The following PCDHGB5 variants were observed in gnomAD, a reference collection of about 807,000 sequenced individuals.
The protein encoded by PCDHGB5 is protocadherin gamma-B5.
Under a neutral mutation model 62.9 loss-of-function variants are expected in PCDHGB5, and 48 were observed. The ratio of observed to expected loss-of-function variants is 0.76; its 90% CI spans 0.61 to 0.97. PCDHGB5 has a LOEUF of 0.97. Ranked by LOEUF, PCDHGB5 falls within the 50% of genes least tolerant of loss-of-function variation. PCDHGB5 has a pLI of 0.00. For missense variants in PCDHGB5, 1,118 were observed against 1,198.6 expected (o/e 0.93, Z 0.99); for synonymous variants, 474 against 511.2 (o/e 0.93, Z 0.98).
rs1018384314 is a variant in PCDHGB5 at position 141,490,427 on chromosome 5, A to G, written c.2398-4380A>G. On this transcript the variant is annotated intron_variant, in intron 1 of 3. Coordinates refer to ENST00000617380, the MANE Select transcript of PCDHGB5 (RefSeq NM_018925.3). This position sits in a 1 kb window ranked among gnomAD's most constrained non-coding sequence, Gnocchi z 5.4. ...GATATCTCTCCGGACCTGCCATTTCAGATTAAGCCTTCTGAGAACCACTAC... is the reference window on the plus strand; with the variant it reads ...GATATCTCTCCGGACCTGCCATTTCGGATTAAGCCTTCTGAGAACCACTAC... 6.2e-7 allele frequency: 1 copy of G among 1,614,092 alleles called. No individual in the cohort carries two copies.
rs773624580 is a variant in PCDHGB5 at position 141,489,715 on chromosome 5, G to A, written c.2398-5092G>A. On this transcript the variant is annotated intron_variant, in intron 1 of 3. Transcript: ENST00000617380. The surrounding 1 kb of genome is among the most constrained non-coding windows in gnomAD (Gnocchi z 4.5). ...ACGATTCCCACTGGACAGTGCCCAG[G>A]ATCCGGATGTGGGCACCAATACTGT... The A allele has an allele frequency of 6.2e-6, 10 of 1,614,004 alleles. No homozygotes were observed. The highest frequency in any genetic ancestry group is 2.2e-5 in the East Asian group (1 of 44,886).
intron 1 of PCDHGB5, chr5:141,421,253 A>G: frequency 6.2e-7 from 1 of 1,607,298 alleles, no homozygotes; most frequent in South Asian, 1.1e-5. Context: ...CAGCGCGGGG[A>G]CCGCAGTCGG....
chr5:141,485,134 C>G lies in PCDHGB5; in HGVS notation c.2398-9673C>G, dbSNP rs967744072. 1.3e-6 allele frequency: 2 copies of G among 1,495,962 alleles called. No individual in the cohort carries two copies. Among genetic ancestry groups the G allele is most frequent in the South Asian group, 2.4e-5 (2 of 84,482 alleles). 92.7% of individuals were successfully genotyped at this position (1,495,962 alleles called of 1,614,324 possible). ...CTGTTTGGGGCGGGTCGGCTTCATC[C>G]GCGTCTCAGGAGCAAGTAGAGAATT... On this transcript the variant is annotated intron_variant, in intron 1 of 3. Transcript: ENST00000617380. The surrounding 1 kb of genome is among the most constrained non-coding windows in gnomAD (Gnocchi z 5.7).
intron 1 of PCDHGB5, among the ~76,000 whole-genome samples, chr5:141,445,078 G>T (rs1591839605): frequency 6.6e-6 from 1 of 152,208 alleles, no homozygotes; most frequent in East Asian, 1.9e-4. Flanking sequence ...TCATTAAATT[G>T]TCCCTACATA....
chr5:141,423,026 G>T (rs1333695085), intron 1 of PCDHGB5: 1 of 1,614,210 alleles, frequency 6.2e-7, no homozygotes, highest in Admixed American at 1.7e-5. Context: ...AAAGATTCAG[G>T]CCAGAACGCC....
intron 1 of PCDHGB5, among the ~76,000 whole-genome samples, chr5:141,400,876 T>G (rs1304937244): frequency 6.6e-6 from 1 of 152,230 alleles, no homozygotes; most frequent in East Asian, 1.9e-4. Flanking sequence ...ACCATTAAAT[T>G]TAATGTATGT....
chr5:141,411,868 A>AG (rs1463496640), intron 1 of PCDHGB5: 1 of 152,224 alleles, frequency 6.6e-6, no homozygotes, highest in East Asian at 1.9e-4. Flanking sequence ...TCAAAAAAAA[A>AG]AGACATTTCT....
Position 141,476,512 on chromosome 5 carries a change from T to C in PCDHGB5, c.2398-18295T>C, listed in dbSNP as rs1171240377. ...TGATCCAGGACATCAACGACAACAA[T>C]CCTGCTTTCCCTACCCAGGAAATGA... On this transcript the variant is annotated intron_variant, in intron 1 of 3. Transcript: ENST00000617380. This position sits in a 1 kb window ranked among gnomAD's most constrained non-coding sequence, Gnocchi z 7.6. The C allele has an allele frequency of 6.2e-7, 1 of 1,613,642 alleles. No homozygotes were observed. Among genetic ancestry groups the C allele is most frequent in the Non-Finnish European group, 8.5e-7 (1 of 1,179,940 alleles).
chr5:141,478,856 T>G (rs1372487685), intron 1 of PCDHGB5: 2 of 1,353,224 alleles, frequency 1.5e-6, no homozygotes, highest in Non-Finnish European at 2.0e-6. Flanking sequence ...AAACACAAGA[T>G]CTCAGCGATC....
intron 1 of PCDHGB5, among the ~76,000 whole-genome samples, chr5:141,481,245 T>C (rs1362728826): frequency 6.6e-6 from 1 of 152,194 alleles, no homozygotes; most frequent in East Asian, 1.9e-4. Context: ...TTACATAGCA[T>C]AGCTCTAAAA....
At chr5:141,498,796 G>A (rs1160540093) in intron 2 of PCDHGB5, among the ~76,000 whole-genome samples, 1 of 152,032 alleles carries the variant, frequency 6.6e-6, no homozygotes, top group Non-Finnish European at 1.5e-5. Context: ...AGCCAGGTGT[G>A]GTGGTGCACA....
At position 141,431,211 on chromosome 5, in the gene PCDHGB5, G is replaced by C. The variant is rs1054638121; in HGVS notation, c.2397+30687G>C. Reference sequence around the variant, plus strand: ...AGTGAAAATGCAGCCACTGAGATGCGGTTCCCTCTACCCCACGCCTGGGAT... The same window carrying C: ...AGTGAAAATGCAGCCACTGAGATGCCGTTCCCTCTACCCCACGCCTGGGAT... On this transcript the variant is annotated intron_variant, in intron 1 of 3. Coordinates refer to ENST00000617380, the MANE Select transcript of PCDHGB5 (RefSeq NM_018925.3). This position sits in a 1 kb window ranked among gnomAD's most constrained non-coding sequence, Gnocchi z 4.8. 1.2e-6 allele frequency: 2 copies of C among 1,614,122 alleles called. No individual in the cohort carries two copies. Among genetic ancestry groups the C allele is most frequent in the Non-Finnish European group, 1.7e-6 (2 of 1,180,036 alleles).
chr5:141,403,612 GC>G, intron 1 of PCDHGB5: 1 of 1,613,854 alleles, frequency 6.2e-7, no homozygotes, highest in Non-Finnish European at 8.5e-7. Flanking sequence ...GCGGCGAGCC[GC>G]GTCGCTCCAG....
chr5:141,433,291 T>A, intron 1 of PCDHGB5: 1 of 1,094,048 alleles, frequency 9.1e-7, no homozygotes, highest in Non-Finnish European at 1.3e-6. Flanking sequence ...ACTCCTAGGC[T>A]CAAGCAATTA....
At chr5:141,495,613 G>A (rs1230710705) in intron 2 of PCDHGB5, among the ~76,000 whole-genome samples, 2 of 152,068 alleles carry the variant, frequency 1.3e-5, no homozygotes, top group Non-Finnish European at 2.9e-5. Flanking sequence ...CTTGATTGCT[G>A]CACCTCAGCC....
At chr5:141,423,797 C>A in intron 1 of PCDHGB5, 2 of 1,249,164 alleles carry the variant, frequency 1.6e-6, no homozygotes, top group African/African-American at 1.6e-5. Flanking sequence ...ATATTTAGAG[C>A]AATACATGTG....
chr5:141,418,938 C>A, intron 1 of PCDHGB5: 3 of 1,613,738 alleles, frequency 1.9e-6, no homozygotes, highest in Non-Finnish European at 2.5e-6. Flanking sequence ...ATGGAGGATT[C>A]CCCTCCAGGA....
At chr5:141,435,067 T>C (rs1381741674) in intron 1 of PCDHGB5, among the ~76,000 whole-genome samples, 1 of 152,168 alleles carries the variant, frequency 6.6e-6, no homozygotes, top group African/African-American at 2.4e-5. Flanking sequence ...CAGTTTTGTG[T>C]AGACCGTCTG....
intron 1 of PCDHGB5, among the ~76,000 whole-genome samples, chr5:141,455,125 A>G (rs952979433): frequency 3.5e-4 from 53 of 151,762 alleles, no homozygotes; most frequent in Non-Finnish European, 1.0e-4. Flanking sequence ...CTAATGTTTT[A>G]AATTACACTG....
Sources: allele counts gnomAD v4.1 joint callset (sites outside exome capture counted in the v4.1 genomes callset), GRCh38; gene constraint gnomAD v4.1.1; non-coding constraint Gnocchi (gnomAD v3.1); transcripts MANE v1.5; gene names NCBI Gene and HGNC (gene_info 2026-07-23, HGNC 2026-07-21).